Variants in SYN3 observed in about 807,000 individuals in gnomAD.
SYN3 encodes synapsin-3.
Under a neutral mutation model 65.8 loss-of-function variants are expected in SYN3, and 35 were observed. The ratio of observed to expected loss-of-function variants is 0.53; its 90% CI spans 0.41 to 0.70. The LOEUF (loss-of-function observed/expected upper bound fraction) is 0.70, where lower values mean the gene tolerates loss of function less well. Among genes scored for constraint, SYN3 ranks in the 30% least tolerant of loss-of-function variants. The pLI, the probability that SYN3 is intolerant of heterozygous loss-of-function variation, is 0.00. For missense variants in SYN3, 680 were observed against 749.0 expected (o/e 0.91, Z 1.08); for synonymous variants, 270 against 292.9 (o/e 0.92, Z 0.80).
chr22:32,534,668 C>G (rs1240905827), intron 9 of SYN3, among the ~76,000 whole-genome samples: 1 of 152,182 alleles, frequency 6.6e-6, no homozygotes, highest in Non-Finnish European at 1.5e-5. Context: ...ATTTGGGAGT[C>G]ACAGGGGACT....
In SYN3 at chr22:32,864,996, C is replaced by G; in HGVS notation, c.630G>C (p.Gln210His). The change falls in exon 6 of 14, where the codon CAG becomes CAC. Residue 210 changes from glutamine (Q) to histidine (H), a missense_variant. Transcript: ENST00000358763. ...NFCSKPWVFS[Q>H]LIKIFHSLGP... is the part of the protein sequence containing the mutation. ...CCAGGGAATGGAAGATCTTAATGAG[C>G]TGAGAGAACTAGGATAGAAGAGGAG... 2 of 1,613,512 alleles carry G rather than the reference C, an allele frequency of 1.2e-6. No individual in the cohort carries two copies. Among genetic ancestry groups the G allele is most frequent in the Non-Finnish European group, 8.5e-7 (1 of 1,179,450 alleles).
chr22:33,000,902 G>A (rs2053041464), intron 2 of SYN3, among the ~76,000 whole-genome samples: 1 of 152,208 alleles, frequency 6.6e-6, no homozygotes, highest in African/African-American at 2.4e-5. Flanking sequence ...CCTGGTGGCA[G>A]GGGACAGGCA....
chr22:32,993,068 T>C (rs935974105), intron 2 of SYN3, among the ~76,000 whole-genome samples: 1 of 152,122 alleles, frequency 6.6e-6, no homozygotes, highest in South Asian at 2.1e-4. Flanking sequence ...AGGAATTTGA[T>C]TTTTGAACAG....
intron 6 of SYN3, among the ~76,000 whole-genome samples, chr22:32,603,754 C>T (rs1354533030): frequency 6.6e-6 from 1 of 152,158 alleles, no homozygotes; most frequent in East Asian, 1.9e-4. Flanking sequence ...TTTCTCTCTT[C>T]CCTTCCCAAC....
intron 4 of SYN3, among the ~76,000 whole-genome samples, chr22:32,910,835 C>T (rs910630168): frequency 1.3e-5 from 2 of 152,166 alleles, no homozygotes; most frequent in Non-Finnish European, 2.9e-5. Flanking sequence ...TGATGCTAGC[C>T]ATTTTTATCA....
intron 6 of SYN3, among the ~76,000 whole-genome samples, chr22:32,781,755 G>A (rs1325457025): frequency 4.0e-5 from 6 of 151,548 alleles, no homozygotes; most frequent in Non-Finnish European, 7.4e-5. Flanking sequence ...CTATTTGAGA[G>A]TCTCCCAGTT....
At chr22:32,716,925 G>A (rs2061047217) in intron 6 of SYN3, among the ~76,000 whole-genome samples, 1 of 152,042 alleles carries the variant, frequency 6.6e-6, no homozygotes, top group Non-Finnish European at 1.5e-5. Flanking sequence ...CACTCAGATT[G>A]CTGTACAACC....
chr22:32,948,879 A>G (rs2051198066), intron 3 of SYN3, among the ~76,000 whole-genome samples: 1 of 148,740 alleles, frequency 6.7e-6, no homozygotes, highest in South Asian at 2.1e-4. Context: ...AAATGTCTAA[A>G]AAAAAAAAAA....
intron 3 of SYN3, among the ~76,000 whole-genome samples, chr22:32,934,949 G>T (rs2146715440): frequency 6.6e-6 from 1 of 152,318 alleles, no homozygotes; most frequent in Admixed American, 6.5e-5. Flanking sequence ...CACAAGCCAA[G>T]AAATGCTGAG....
chr22:32,605,531 T>A (rs914542347), intron 6 of SYN3, among the ~76,000 whole-genome samples: 1 of 152,238 alleles, frequency 6.6e-6, no homozygotes, highest in African/African-American at 2.4e-5. Flanking sequence ...CGTAAGCCTC[T>A]TGATACTTCT....
intron 6 of SYN3, among the ~76,000 whole-genome samples, chr22:32,622,118 C>T (rs2059604097): frequency 6.6e-6 from 1 of 152,006 alleles, no homozygotes; most frequent in Admixed American, 6.6e-5. Flanking sequence ...CACAGCTGGG[C>T]TGGATTAGTC....
intron 6 of SYN3, among the ~76,000 whole-genome samples, chr22:32,719,751 G>A (rs1024505280): frequency 6.6e-6 from 1 of 152,210 alleles, no homozygotes; most frequent in African/African-American, 2.4e-5. Flanking sequence ...GGGAGGCTGA[G>A]GTGGGAGGAT....
In SYN3 at chr22:32,518,258, G is replaced by A. The variant is rs2057813434; in HGVS notation, c.1395C>T (p.Gly465=). The A allele has an allele frequency of 6.2e-7, 1 of 1,612,928 alleles. No individual in the cohort carries two copies. The highest frequency in any genetic ancestry group is 1.7e-5 in the Admixed American group (1 of 59,922). The part of the protein sequence containing the change: ...SPSQQRLSPQ[G]QQPLSPQSGS... ...CGGACTGGGGGCTCAGGGGCTGCTG[G>A]CCTTGTGGGGAGAGCCTCTGTTGGG... The change falls in exon 13 of 14, where the codon GGC becomes GGT. Residue 465 remains glycine, a synonymous_variant. Transcript: ENST00000358763.
At chr22:32,806,982 A>G (rs2046758893) in intron 6 of SYN3, among the ~76,000 whole-genome samples, 1 of 151,908 alleles carries the variant, frequency 6.6e-6, no homozygotes, top group Non-Finnish European at 1.5e-5. Context: ...ATACCACATA[A>G]TACCACATAT....
chr22:32,910,988 A>G (rs1180829693), intron 4 of SYN3, among the ~76,000 whole-genome samples: 1 of 152,194 alleles, frequency 6.6e-6, no homozygotes, highest in Non-Finnish European at 1.5e-5. Context: ...GGTCAGCTTA[A>G]CTGCATGGCT....
At chr22:33,044,148 C>T (rs925275176) in intron 1 of SYN3, among the ~76,000 whole-genome samples, 3 of 152,032 alleles carry the variant, frequency 2.0e-5, no homozygotes, top group Admixed American at 2.0e-4. Context: ...GCAGCATGCT[C>T]GAAAAGTGGG....
chr22:32,879,314 C>T (rs971904076), intron 4 of SYN3, among the ~76,000 whole-genome samples: 12 of 152,176 alleles, frequency 7.9e-5, no homozygotes, highest in African/African-American at 2.7e-4. Flanking sequence ...GTGCCAGGCA[C>T]ATTTATAGAT....
At chr22:33,042,712 G>A (rs899269847) in intron 1 of SYN3, among the ~76,000 whole-genome samples, 2 of 152,140 alleles carry the variant, frequency 1.3e-5, no homozygotes, top group Admixed American at 6.6e-5. Flanking sequence ...GGAGAAATCC[G>A]ACGATCCTGG....
chr22:32,623,141 A>C (rs903429536), intron 6 of SYN3, among the ~76,000 whole-genome samples: 1 of 152,126 alleles, frequency 6.6e-6, no homozygotes. Context: ...AGGGAGAGAA[A>C]GTTGTCACAG....
Sources: gnomAD v4.1 joint callset for allele counts (sites outside exome capture counted in the v4.1 genomes callset) on GRCh38, gnomAD v4.1.1 for gene constraint, MANE v1.5 for transcripts, NCBI Gene and HGNC (gene_info 2026-07-23, HGNC 2026-07-21) for gene names.